Variants in VAV3 observed in about 807,000 individuals in gnomAD.
The protein encoded by VAV3 is guanine nucleotide exchange factor VAV3.
In VAV3, 94 loss-of-function variants were observed where a neutral mutation model predicts 131.2. The observed-to-expected ratio is 0.72, with a 90% CI of 0.61 to 0.85. The LOEUF is 0.85. Among genes scored for constraint, VAV3 ranks in the 40% least tolerant of loss-of-function variants. The pLI, the probability that VAV3 is intolerant of heterozygous loss-of-function variation, is 0.00. For missense variants in VAV3, 939 were observed against 1,002.7 expected (o/e 0.94, Z 0.86); for synonymous variants, 349 against 342.0 (o/e 1.02, Z -0.22).
intron 22 of VAV3, 195 bp downstream of exon 22, chr1:107,609,736 C>CA (rs1457713075): frequency 1.8e-6 from 1 of 570,370 alleles, no homozygotes; most frequent in Non-Finnish European, 3.1e-6. Flanking sequence ...CGCATGCACA[C>CA]ACACCCCCCT....
intron 15 of VAV3, among the ~76,000 whole-genome samples, chr1:107,734,550 C>A (rs10881480): frequency 6.6e-6 from 1 of 151,356 alleles, no homozygotes; most frequent in Non-Finnish European, 1.5e-5. Flanking sequence ...GAAAAGCAGG[C>A]CTTGCAATCC....
At chr1:107,768,168 C>T (rs1664839203) in intron 7 of VAV3, among the ~76,000 whole-genome samples, 2 of 152,162 alleles carry the variant, frequency 1.3e-5, no homozygotes, top group Admixed American at 6.5e-5. Context: ...TTTGAGACTA[C>T]CTCTTCATGA....
chr1:107,592,269 C>A lies in VAV3; in HGVS notation c.2350+3943G>T, dbSNP rs1432187497. Among the ~76,000 whole-genome samples the A allele has an allele frequency of 2.6e-5, 4 of 152,104 alleles. No homozygotes were observed. The South Asian group carries it at 6.2e-4, about 24-fold the overall frequency. On this transcript the variant is annotated intron_variant, in intron 25 of 26. Transcript: ENST00000370056. ...AGTTTGGGATTGTCTGATGTTTCCT[C>A]ATGATTAGATTCCACTTATGCTTTT...
chr1:107,658,580 TC>T (rs1408402236), intron 19 of VAV3, among the ~76,000 whole-genome samples: 1 of 151,966 alleles, frequency 6.6e-6, no homozygotes, highest in Non-Finnish European at 1.5e-5. Context: ...GTAAAAGTCT[TC>T]CTATTTCTCC....
chr1:107,699,176 T>C (rs1659934703), intron 17 of VAV3, among the ~76,000 whole-genome samples: 1 of 152,210 alleles, frequency 6.6e-6, no homozygotes, highest in South Asian at 2.1e-4. Context: ...CCCTTCCAAC[T>C]ATGAGCCAGT....
chr1:107,922,282 T>C (rs140996609), intron 1 of VAV3, among the ~76,000 whole-genome samples: 1 of 9,904 alleles, frequency 1.0e-4, no homozygotes, highest in East Asian at 0.02. Flanking sequence ...AGGAAATTAA[T>C]GTCTTGTTTT....
chr1:107,857,648 T>C (rs2100974916), intron 2 of VAV3, among the ~76,000 whole-genome samples: 1 of 152,284 alleles, frequency 6.6e-6, no homozygotes, highest in East Asian at 1.9e-4. Flanking sequence ...ATCTGGGCTT[T>C]GTATTTTTTT....
intron 1 of VAV3, among the ~76,000 whole-genome samples, chr1:107,956,856 A>C (rs1674840061): frequency 6.6e-6 from 1 of 152,072 alleles, no homozygotes; most frequent in African/African-American, 2.4e-5. Flanking sequence ...GAATTTTACC[A>C]GGGTTTTGTT....
At position 107,888,868 on chromosome 1, in the gene VAV3, T is replaced by C. The variant is rs12079117; in HGVS notation, c.205-13851A>G. On this transcript the variant is annotated intron_variant, in intron 1 of 26. Coordinates refer to ENST00000370056, the MANE Select transcript of VAV3 (RefSeq NM_006113.5). The stretch of plus-strand genomic sequence containing the variant: ...TATATTTCTACCTAATTGATATTCT[T>C]TCTCGGCACGCACACTCCTCTGAAT... Among the ~76,000 whole-genome samples the C allele has an allele frequency of 4.1e-3, 627 of 152,260 alleles. 5 individuals carry two copies. Among genetic ancestry groups the C allele is most frequent in the African/African-American group, 0.014 (589 of 41,548 alleles).
chr1:107,866,651 T>C (rs983986729), intron 2 of VAV3, among the ~76,000 whole-genome samples: 3 of 150,948 alleles, frequency 2.0e-5, no homozygotes, highest in Non-Finnish European at 4.4e-5. Context: ...CGAAACCCCA[T>C]CTCTACTAAA....
chr1:107,772,033 T>C (rs1050452722), intron 5 of VAV3, among the ~76,000 whole-genome samples: 28 of 152,212 alleles, frequency 1.8e-4, no homozygotes, highest in Admixed American at 6.5e-4. Context: ...ATCAAAGCAC[T>C]GTGGAAACAA....
At chr1:107,814,130 C>T (rs1182149637) in intron 2 of VAV3, among the ~76,000 whole-genome samples, 5 of 151,922 alleles carry the variant, frequency 3.3e-5, no homozygotes, top group African/African-American at 9.7e-5. Context: ...GCAGGTATTC[C>T]TTTGATATAC....
chr1:107,898,299 A>G (rs564686036), intron 1 of VAV3, among the ~76,000 whole-genome samples: 242 of 152,346 alleles, frequency 1.6e-3, no homozygotes, highest in Non-Finnish European at 2.7e-3. Flanking sequence ...CTTCATAAGT[A>G]GAAATTACTT....
At chr1:107,819,547 GAC>G (rs78765971) in intron 2 of VAV3, among the ~76,000 whole-genome samples, 14,497 of 151,278 alleles carry the variant, frequency 0.096, 846 homozygotes, top group East Asian at 0.25. Context: ...ACACAAATAT[GAC>G]AAAGTGTTAA....
At chr1:107,727,494 T>A (rs1029630795) in intron 15 of VAV3, among the ~76,000 whole-genome samples, 6 of 152,366 alleles carry the variant, frequency 3.9e-5, no homozygotes, top group Non-Finnish European at 5.9e-5. Context: ...AACACCTTTA[T>A]GAAATCAGGT....
intron 1 of VAV3, among the ~76,000 whole-genome samples, chr1:107,943,187 ATT>A (rs1674082154): frequency 6.7e-6 from 1 of 148,802 alleles, no homozygotes; most frequent in African/African-American, 2.6e-5. Flanking sequence ...TTTCCTTTTT[ATT>A]TTTAGTTCAT....
At chr1:107,841,360 A>G (rs1668700162) in intron 2 of VAV3, among the ~76,000 whole-genome samples, 1 of 152,112 alleles carries the variant, frequency 6.6e-6, no homozygotes, top group South Asian at 2.1e-4. Flanking sequence ...AATATGGGGA[A>G]AAAAACTAAA....
intron 19 of VAV3, among the ~76,000 whole-genome samples, chr1:107,652,493 C>G (rs894724127): frequency 6.6e-6 from 1 of 152,066 alleles, no homozygotes; most frequent in Non-Finnish European, 1.5e-5. Context: ...GTGCAAGATC[C>G]AAGAACTCTC....
At chr1:107,898,320 A>C (rs958738773) in intron 1 of VAV3, among the ~76,000 whole-genome samples, 1 of 152,234 alleles carries the variant, frequency 6.6e-6, no homozygotes, top group African/African-American at 2.4e-5. Context: ...TTATAAATAG[A>C]AGAATTCTAC....
Sources: gnomAD v4.1 joint callset for allele counts (sites outside exome capture counted in the v4.1 genomes callset) on GRCh38, gnomAD v4.1.1 for gene constraint, MANE v1.5 for transcripts, NCBI Gene and HGNC (gene_info 2026-07-23, HGNC 2026-07-21) for gene names.